Variants in RAB8B observed in about 807,000 individuals in gnomAD.
RAB8B encodes the protein ras-related protein Rab-8B.
Under a neutral mutation model 32.0 loss-of-function variants are expected in RAB8B, and 11 were observed. The ratio of observed to expected loss-of-function variants is 0.34; its 90% CI spans 0.22 to 0.57. RAB8B has a LOEUF of 0.57. Ranked by LOEUF, RAB8B falls within the 20% of genes least tolerant of loss-of-function variation. RAB8B has a pLI of 0.86. For missense variants in RAB8B, 190 were observed against 258.5 expected, an observed-to-expected ratio of 0.73 and a Z score of 1.82; for synonymous variants, 103 against 89.6, an observed-to-expected ratio of 1.15 and a Z score of -0.85.
chr15:63,249,464 C>A (rs184091700), intron 2 of RAB8B, among the ~76,000 whole-genome samples, 181 bp from the exon 3 acceptor site: 19 of 152,256 alleles, frequency 1.2e-4, no homozygotes, highest in Admixed American at 1.2e-3. Context: ...TGACAGGCTC[C>A]TGTGGCCACC....
At position 63,266,117 on chromosome 15, in the gene RAB8B, C is replaced by G. The variant is rs1025492273; in HGVS notation, c.*2498C>G. ...TAATGACAGATAATTGTCTGTTCCC[C>G]GCTGAAACTGAAGAAATCTAGTTTT... is the stretch of plus-strand genomic sequence containing the variant. On this transcript the variant is annotated 3_prime_UTR_variant, in exon 8 of 8. Transcript: ENST00000321437. 6.6e-6 allele frequency: 1 copy of G among 152,474 alleles called. No homozygotes were observed. The highest frequency in any genetic ancestry group is 3.2e-3 in the Middle Eastern group (1 of 316). The allele number at this position is 152,474 out of a possible 1,614,324, so 9.4% of individuals were successfully genotyped here.
At position 63,244,805 on chromosome 15, in the gene RAB8B, G is replaced by A; in HGVS notation, c.174G>A (p.Lys58=). The change falls in exon 2 of 8, where the codon AAG becomes AAA. Residue 58 remains lysine, a synonymous_variant. Coordinates refer to ENST00000321437, the MANE Select transcript of RAB8B (RefSeq NM_016530.3). ...RTIELDGKKI[K]LQIWDTAGQE... is the part of the protein sequence containing the mutation. ...TAGAACTAGATGGAAAGAAAATTAA[G>A]CTTCAGATATGGTAAGTAAACACAC... The A allele has an allele frequency of 6.3e-7, 1 of 1,580,842 alleles. No homozygotes were observed. The highest frequency in any genetic ancestry group is 1.1e-5 in the South Asian group (1 of 88,504).
intron 1 of RAB8B, among the ~76,000 whole-genome samples, chr15:63,191,406 C>T (rs1314864648): frequency 6.6e-6 from 1 of 152,060 alleles, no homozygotes; most frequent in African/African-American, 2.4e-5. Flanking sequence ...CTAAAATCTC[C>T]TGGGTGTTAT....
At position 63,227,786 on chromosome 15, in the gene RAB8B, C is replaced by T. The variant is rs143119354; in HGVS notation, c.125-16970C>T. On this transcript the variant is annotated intron_variant, in intron 1 of 7. Coordinates refer to ENST00000321437, the MANE Select transcript of RAB8B (RefSeq NM_016530.3). The stretch of plus-strand genomic sequence containing the variant: ...TAAAAATATAACAAAACAAATTGTT[C>T]ACCAAGGCTGCTTTTGCCCTTTGTC... 5.4e-3 allele frequency among the ~76,000 whole-genome samples: 830 copies of T among 152,296 alleles called. 9 individuals carry two copies. The highest frequency in any genetic ancestry group is 0.019 in the African/African-American group (770 of 41,560).
At chr15:63,216,872 A>G (rs2037797045) in intron 1 of RAB8B, among the ~76,000 whole-genome samples, 1 of 151,944 alleles carries the variant, frequency 6.6e-6, no homozygotes. Context: ...AAAAAAAAAA[A>G]AAAAAGTTTT....
chr15:63,192,273 G>A lies in RAB8B; in HGVS notation c.124+2525G>A, dbSNP rs566983002. ...TGCTCTGCAGTCAAAATTAAGCTGG[G>A]AAAATAAGGTGAATGTTAGCACCAT... On this transcript the variant is annotated intron_variant, in intron 1 of 7. Coordinates refer to ENST00000321437, the MANE Select transcript of RAB8B (RefSeq NM_016530.3). Among the ~76,000 whole-genome samples, 56 of 152,300 alleles carry A rather than the reference G, an allele frequency of 3.7e-4. 1 individual carries two copies. The South Asian group carries it at 0.011, about 30-fold the overall frequency.
chr15:63,199,517 G>A (rs1049621445), intron 1 of RAB8B, among the ~76,000 whole-genome samples: 2 of 152,136 alleles, frequency 1.3e-5, no homozygotes, highest in Non-Finnish European at 2.9e-5. Flanking sequence ...TGAAAAATTT[G>A]TGGGAAAAGT....
intron 1 of RAB8B, among the ~76,000 whole-genome samples, chr15:63,226,823 G>T (rs185304522): frequency 6.6e-6 from 1 of 152,268 alleles, no homozygotes; most frequent in East Asian, 1.9e-4. Flanking sequence ...ATGAGTAAAA[G>T]AATGGCTACT....
At chr15:63,254,181 T>C (rs894055883) in intron 3 of RAB8B, among the ~76,000 whole-genome samples, 1 of 152,136 alleles carries the variant, frequency 6.6e-6, no homozygotes, top group African/African-American at 2.4e-5. Context: ...GGGCTTCCCC[T>C]CTTCACCGCA....
At chr15:63,236,048 G>A (rs1054249473) in intron 1 of RAB8B, among the ~76,000 whole-genome samples, 1 of 152,074 alleles carries the variant, frequency 6.6e-6, no homozygotes, top group Non-Finnish European at 1.5e-5. Context: ...ATTGGTCTTC[G>A]TGAATCTGCG....
At chr15:63,209,403 C>T (rs1351531097) in intron 1 of RAB8B, among the ~76,000 whole-genome samples, 1 of 151,646 alleles carries the variant, frequency 6.6e-6, no homozygotes, top group African/African-American at 2.4e-5. Context: ...CCAGACTGGC[C>T]AACATGGTGA....
intron 1 of RAB8B, among the ~76,000 whole-genome samples, chr15:63,205,654 C>T (rs920059528): frequency 3.3e-5 from 5 of 152,254 alleles, no homozygotes; most frequent in African/African-American, 1.2e-4. Context: ...GCTCTGAAAA[C>T]GTGTCAGGTT....
chr15:63,256,787 G>A (rs1242554010), intron 5 of RAB8B, among the ~76,000 whole-genome samples, 193 bp downstream of exon 5: 1 of 152,150 alleles, frequency 6.6e-6, no homozygotes, highest in Non-Finnish European at 1.5e-5. Flanking sequence ...TCTATACTGT[G>A]TGGTCATGAC....
chr15:63,255,462 T>G (rs891310588), intron 3 of RAB8B, 45 bp from the exon 4 acceptor site: 49 of 1,327,978 alleles, frequency 3.7e-5, no homozygotes, highest in Non-Finnish European at 4.9e-5. Context: ...TACTATAACT[T>G]TAAATATATA....
At chr15:63,196,344 T>C (rs1004666051) in intron 1 of RAB8B, among the ~76,000 whole-genome samples, 1 of 152,192 alleles carries the variant, frequency 6.6e-6, no homozygotes, top group East Asian at 1.9e-4. Flanking sequence ...AAGCCTTAAA[T>C]TATTTTCATT....
At chr15:63,189,833 G>A in intron 1 of RAB8B, 85 bp downstream of exon 1, 1 of 1,405,570 alleles carries the variant, frequency 7.1e-7, no homozygotes, top group Non-Finnish European at 9.4e-7. Context: ...GGGCGCTTGG[G>A]AGCCCGGGAG....
intron 1 of RAB8B, among the ~76,000 whole-genome samples, chr15:63,217,628 A>G (rs1308296831): frequency 3.9e-5 from 6 of 152,244 alleles, no homozygotes; most frequent in African/African-American, 1.4e-4. Context: ...CAGCTATAAA[A>G]TGCTCATTGT....
intron 1 of RAB8B, among the ~76,000 whole-genome samples, chr15:63,201,988 C>G (rs942140052): frequency 6.7e-6 from 1 of 149,798 alleles, no homozygotes. Context: ...CGCGGTGGCT[C>G]ACACCTGTAA....
chr15:63,223,617 C>T (rs73441218), intron 1 of RAB8B, among the ~76,000 whole-genome samples: 175 of 152,204 alleles, frequency 1.1e-3, no homozygotes, highest in African/African-American at 4.0e-3. Flanking sequence ...TGCACAAAGA[C>T]GAAACCACCT....
Sources: allele counts gnomAD v4.1 joint callset (sites outside exome capture counted in the v4.1 genomes callset), GRCh38; gene constraint gnomAD v4.1.1; transcripts MANE v1.5; gene names NCBI Gene and HGNC (gene_info 2026-07-23, HGNC 2026-07-21).